PIK3CB: variants seen among roughly 807,000 people sequenced by gnomAD.
PIK3CB encodes phosphatidylinositol-4,5-bisphosphate 3-kinase catalytic subunit beta, also known as phosphatidylinositol 4,5-bisphosphate 3-kinase catalytic subunit beta isoform.
A neutral mutation model predicts 136.8 loss-of-function variants in PIK3CB; 39 were observed. That is an observed-to-expected ratio of 0.29 (90% CI 0.22 to 0.37). PIK3CB has a LOEUF of 0.37. Among genes scored for constraint, PIK3CB ranks in the 10% least tolerant of loss-of-function variants. PIK3CB has a pLI of 1.00. For synonymous variants in PIK3CB, 428 were observed against 436.6 expected, an observed-to-expected ratio of 0.98 and a Z score of 0.25; for missense variants, 868 against 1,275.4, an observed-to-expected ratio of 0.68 and a Z score of 4.87.
intron 4 of PIK3CB, 134 bp from the exon 5 acceptor site, chr3:138,742,915 G>C (rs1287856025): frequency 7.6e-6 from 4 of 525,282 alleles, no homozygotes; most frequent in Admixed American, 3.7e-5. Flanking sequence ...GATGAAACTA[G>C]GGAGGAAAAT....
At chr3:138,753,824 AAAAG>A (rs1275807042) in intron 4 of PIK3CB, among the ~76,000 whole-genome samples, 1 of 152,152 alleles carries the variant, frequency 6.6e-6, no homozygotes, top group African/African-American at 2.4e-5. Flanking sequence ...AAAAAAATCA[AAAAG>A]AACATGGCCT....
At chr3:138,688,366 T>G (rs1279327739) in intron 16 of PIK3CB, among the ~76,000 whole-genome samples, 7 of 151,938 alleles carry the variant, frequency 4.6e-5, no homozygotes, top group African/African-American at 7.3e-5. Flanking sequence ...CTGGGCATGG[T>G]GGCGCATGCC....
intron 2 of PIK3CB, among the ~76,000 whole-genome samples, chr3:138,767,128 C>T (rs534645134): frequency 1.3e-5 from 2 of 152,002 alleles, no homozygotes; most frequent in South Asian, 2.1e-4. Flanking sequence ...GAGCCAAGAT[C>T]GTGCCACTGC....
chr3:138,674,383 G>A (rs958031913), intron 19 of PIK3CB, among the ~76,000 whole-genome samples: 1 of 151,910 alleles, frequency 6.6e-6, no homozygotes, highest in African/African-American at 2.4e-5. Context: ...GAAGAGGGGT[G>A]GATTCCAGGC....
intron 16 of PIK3CB, among the ~76,000 whole-genome samples, chr3:138,685,728 C>T (rs1330326460): frequency 1.3e-5 from 2 of 151,858 alleles, no homozygotes; most frequent in African/African-American, 2.4e-5. Context: ...ATCTAAATTA[C>T]TTGTTTTTAT....
chr3:138,824,330 G>C (rs1933687016), intron 1 of PIK3CB, among the ~76,000 whole-genome samples: 1 of 152,106 alleles, frequency 6.6e-6, no homozygotes, highest in Admixed American at 6.6e-5. Context: ...TGCTGTCCTT[G>C]GGTTTACACT....
At chr3:138,739,671 C>T (rs968786689) in intron 5 of PIK3CB, among the ~76,000 whole-genome samples, 3 of 150,392 alleles carry the variant, frequency 2.0e-5, no homozygotes, top group Non-Finnish European at 4.4e-5. Context: ...GAGGCCGAGG[C>T]GGGCGGATCA....
intron 3 of PIK3CB, among the ~76,000 whole-genome samples, chr3:138,757,143 C>T (rs1187407821): frequency 6.6e-5 from 10 of 152,086 alleles, no homozygotes; most frequent in Admixed American, 6.6e-4. Flanking sequence ...CAGTGGCTCA[C>T]ACCTGTAATC....
intron 18 of PIK3CB, among the ~76,000 whole-genome samples, chr3:138,682,618 A>G (rs1315723136): frequency 6.6e-6 from 1 of 152,196 alleles, no homozygotes; most frequent in Non-Finnish European, 1.5e-5. Flanking sequence ...AGGTCACAAA[A>G]CTGTAATGGT....
In PIK3CB at chr3:138,729,991, C is replaced by T. The variant is rs567678776; in HGVS notation, c.1050+3370G>A. Among the ~76,000 whole-genome samples, 4 of 152,134 alleles carry T rather than the reference C, an allele frequency of 2.6e-5. No homozygotes were observed. In the South Asian group the frequency reaches 8.3e-4, roughly 32 times the overall value. ...GGAAAGAAAGATGTAAAGCTGCCAC[C>T]TTTTTTCAGATTTTGCTTTAACATT... is the stretch of plus-strand genomic sequence containing the variant. On this transcript the variant is annotated intron_variant, in intron 8 of 23. Coordinates refer to ENST00000674063, the MANE Select transcript of PIK3CB (RefSeq NM_006219.3).
chr3:138,760,312 G>A (rs1294143898), intron 2 of PIK3CB, among the ~76,000 whole-genome samples: 4 of 152,096 alleles, frequency 2.6e-5, no homozygotes, highest in Admixed American at 2.6e-4. Flanking sequence ...GGCCCCTTGT[G>A]CTATTTCTCT....
chr3:138,817,197 G>A (rs1241162676), intron 1 of PIK3CB, among the ~76,000 whole-genome samples: 1 of 152,184 alleles, frequency 6.6e-6, no homozygotes. Flanking sequence ...AATTAGCCGG[G>A]CGAGGTGGTG....
chr3:138,731,537 G>A (rs886315236), intron 8 of PIK3CB, among the ~76,000 whole-genome samples: 2 of 151,732 alleles, frequency 1.3e-5, no homozygotes, highest in African/African-American at 2.4e-5. Context: ...ACAGGTGTGA[G>A]CTACCACGCC....
rs747225243 is a variant in PIK3CB at position 138,665,115 on chromosome 3, G to A, written c.2593C>T (p.Leu865=). Residue 865 remains leucine (L), a synonymous_variant, in exon 20 of 24, where the codon CTG becomes TTG. Transcript: ENST00000674063. ...GCAGCAGCCACATTGCTACTGTTCA[G>A]CTGAATGTCAGCAATTGTTTCAGAG... ...STSETIADIQ[L]NSSNVAAAAA... 19 of 1,613,632 alleles carry A rather than the reference G, an allele frequency of 1.2e-5. No individual in the cohort carries two copies. In the Middle Eastern group the frequency reaches 8.2e-4, roughly 70 times the overall value.
chr3:138,656,824 G>A (rs564060245), intron 22 of PIK3CB, among the ~76,000 whole-genome samples: 12 of 152,132 alleles, frequency 7.9e-5, no homozygotes, highest in Non-Finnish European at 1.5e-4. Flanking sequence ...AGGCTGGAGT[G>A]CAGTGGCGTG....
At chr3:138,732,584 A>C (rs1459149964) in intron 8 of PIK3CB, among the ~76,000 whole-genome samples, 2 of 152,200 alleles carry the variant, frequency 1.3e-5, no homozygotes, top group Non-Finnish European at 2.9e-5. Flanking sequence ...TGCTTTGTTA[A>C]GTCTTTATTT....
intron 1 of PIK3CB, among the ~76,000 whole-genome samples, chr3:138,830,225 C>G (rs1277209698): frequency 6.6e-6 from 1 of 152,110 alleles, no homozygotes; most frequent in African/African-American, 2.4e-5. Flanking sequence ...ACAACCACCC[C>G]CTGCCCACCA....
At chr3:138,722,256 A>G (rs2044744087) in intron 8 of PIK3CB, among the ~76,000 whole-genome samples, 1 of 147,912 alleles carries the variant, frequency 6.8e-6, no homozygotes, top group South Asian at 2.1e-4. Flanking sequence ...ACACACACAC[A>G]CGTGTGTAGG....
chr3:138,744,111 G>A (rs9844191), intron 4 of PIK3CB, among the ~76,000 whole-genome samples: 2 of 152,060 alleles, frequency 1.3e-5, no homozygotes, highest in African/African-American at 2.4e-5. Context: ...AAGTGGATTG[G>A]TCGGGCGCAG....
Sources: allele counts gnomAD v4.1 joint callset (sites outside exome capture counted in the v4.1 genomes callset), GRCh38; gene constraint gnomAD v4.1.1; transcripts MANE v1.5; gene names NCBI Gene and HGNC (gene_info 2026-07-23, HGNC 2026-07-21).